Variants in PZP observed in about 807,000 individuals in gnomAD.
PZP encodes the protein PZP alpha-2-macroglobulin like, also known as pregnancy zone protein.
PZP carries 150 observed loss-of-function variants against 179.8 expected under a neutral mutation model. The ratio of observed to expected loss-of-function variants is 0.83; its 90% CI spans 0.73 to 0.96. PZP has a LOEUF of 0.96. Ranked by LOEUF, PZP falls within the 40% of genes least tolerant of loss-of-function variation. The probability of loss-of-function intolerance (pLI) is 0.00; values close to 1 mark genes in which losing one functional copy is unlikely to be tolerated. For synonymous variants in PZP, 624 were observed against 652.3 expected, an observed-to-expected ratio of 0.96 and a Z score of 0.66; for missense variants, 1,689 against 1,764.0, an observed-to-expected ratio of 0.96 and a Z score of 0.76.
chr12:9,181,618 A>G (rs1179054011), intron 14 of PZP, among the ~76,000 whole-genome samples: 1 of 152,234 alleles, frequency 6.6e-6, no homozygotes, highest in Non-Finnish European at 1.5e-5. Flanking sequence ...ATACCTTGTT[A>G]GATTTTTAGA....
rs201603445 is a variant in PZP at position 9,169,177 on chromosome 12, C to CAA, written c.2002-205_2002-204dup. Among the ~76,000 whole-genome samples the CAA allele has an allele frequency of 1.2e-4, 11 of 94,034 alleles. No homozygotes were observed. In the South Asian group the frequency reaches 2.0e-3, roughly 18 times the overall value. 61.7% of individuals were successfully genotyped at this position (94,034 alleles called of 152,430 possible). On this transcript the variant is annotated intron_variant, in intron 16 of 35. Transcript: ENST00000261336. ...TCTTTATTCATTATTTTTTGGTTTGCAAATAAAAAAACCTAAATATAACTA... is the reference window on the plus strand; with the variant it reads ...TCTTTATTCATTATTTTTTGGTTTGCAAAAATAAAAAAACCTAAATATAACTA...
In PZP at chr12:9,203,894, A is replaced by C. The variant is rs977080286; in HGVS notation, c.141T>G (p.Cys47Trp). The change falls in exon 2 of 36, where the codon TGT becomes TGG. Residue 47 changes from cysteine to tryptophan, a missense_variant. By Grantham distance (215) the Cys-to-Trp change is radical. Around this residue, in one of 3 missense-constraint regions of PZP, gnomAD observed 742 missense variants for 730.5 expected, o/e 1.02. Transcript: ENST00000261336. ...TCTCATTCAGGTGGCTCAGAAGGAC[A>C]CAGCCCTTCTTAGGGGCCTCAGTGT... ...LLHTEAPKKG[C>W]VLLSHLNETV... is the part of the protein sequence containing the mutation. 1 of 1,614,010 alleles carries C rather than the reference A, an allele frequency of 6.2e-7. No homozygotes were observed. The highest frequency in any genetic ancestry group is 1.7e-5 in the Admixed American group (1 of 60,006).
At chr12:9,192,770 C>G (rs1217566242) in intron 11 of PZP, 31 bp from the exon 12 acceptor site, 1 of 1,473,716 alleles carries the variant, frequency 6.8e-7, no homozygotes, top group East Asian at 2.3e-5. Flanking sequence ...AGAAAGAATA[C>G]TGTCTTGAAA....
intron 1 of PZP, among the ~76,000 whole-genome samples, chr12:9,205,871 A>G (rs889455633): frequency 6.6e-6 from 1 of 152,174 alleles, no homozygotes; most frequent in Admixed American, 6.5e-5. Flanking sequence ...TGGAATGTGG[A>G]ACTCAAATTT....
intron 13 of PZP, among the ~76,000 whole-genome samples, chr12:9,188,175 C>T (rs776133473): frequency 1.4e-4 from 21 of 152,164 alleles, no homozygotes; most frequent in Non-Finnish European, 2.8e-4. Context: ...GCTTAGCTAC[C>T]GCGATCAAGT....
intron 13 of PZP, among the ~76,000 whole-genome samples, chr12:9,189,896 C>T (rs1396437879): frequency 1.3e-5 from 2 of 152,076 alleles, no homozygotes; most frequent in African/African-American, 4.8e-5. Flanking sequence ...AAAAAAAGCT[C>T]AATACTACTG....
At chr12:9,157,450 T>C (rs1940845967) in intron 27 of PZP, 95 bp from the exon 28 acceptor site, 1 of 1,213,164 alleles carries the variant, frequency 8.2e-7, no homozygotes, top group Non-Finnish European at 1.2e-6. Context: ...TATTAATAGA[T>C]TTCAGACAGA....
chr12:9,199,417 TC>T (rs1370691440), intron 7 of PZP, among the ~76,000 whole-genome samples: 3 of 152,330 alleles, frequency 2.0e-5, no homozygotes, highest in African/African-American at 7.2e-5. Context: ...AGTGGAAATT[TC>T]TGGGGGAGAG....
the PZP span, among the ~76,000 whole-genome samples, chr12:9,139,750 C>T: frequency 3.9e-5 from 6 of 152,116 alleles, no homozygotes; most frequent in African/African-American, 1.4e-4. Context: ...AGCCACTCCT[C>T]CTGTAAGAGT....
intron 28 of PZP, among the ~76,000 whole-genome samples, chr12:9,156,533 AG>A (rs1940767890): frequency 6.6e-6 from 1 of 152,242 alleles, no homozygotes; most frequent in African/African-American, 2.4e-5. Context: ...GTGGGAATTT[AG>A]GGGGTATGGA....
rs139845819 is a variant in PZP, at chr12:9,206,976, A to G, written c.83+1283T>C. On this transcript the variant is annotated intron_variant, in intron 1 of 35. Transcript: ENST00000261336. ...TGCTTTCTGGATGGAGAGCAGCTGG[A>G]AGTAGTAGAGCCCACTGCTGTAGAT... is the stretch of plus-strand genomic sequence containing the variant. Among the ~76,000 whole-genome samples the G allele has an allele frequency of 2.2e-3, 334 of 152,254 alleles. 2 individuals are homozygous for G. The highest frequency in any genetic ancestry group is 7.7e-3 in the African/African-American group (320 of 41,542).
At chr12:9,176,952 G>C (rs7968120) in intron 15 of PZP, among the ~76,000 whole-genome samples, 90,326 of 152,004 alleles carry the variant, frequency 0.59, 27,776 homozygotes, top group East Asian at 0.83. Flanking sequence ...TTTAGCCTTT[G>C]AGCTGTTCCT....
In PZP at chr12:9,190,219, T is replaced by A. The variant is rs1176279892; in HGVS notation, c.1546+1974A>T. On this transcript the variant is annotated intron_variant, in intron 13 of 35. Coordinates refer to ENST00000261336, the MANE Select transcript of PZP (RefSeq NM_002864.3). ...TATGTTCATTGCAACCCTGTTGCAA[T>A]GAACAGTAGCAAAGACATGGAATCA... Among the ~76,000 whole-genome samples the A allele has an allele frequency of 2.0e-5, 3 of 152,106 alleles. No individual in the cohort carries two copies. The East Asian group carries it at 5.8e-4, about 29-fold the overall frequency.
intron 20 of PZP, 83 bp from the exon 21 acceptor site, chr12:9,163,872 G>T: frequency 6.9e-7 from 1 of 1,458,368 alleles, no homozygotes; most frequent in Non-Finnish European, 9.2e-7. Context: ...ACTTATAGTT[G>T]TCCAGAATAG....
At chr12:9,204,188 A>G (rs1944333847) in intron 1 of PZP, among the ~76,000 whole-genome samples, 1 of 152,180 alleles carries the variant, frequency 6.6e-6, no homozygotes, top group Non-Finnish European at 1.5e-5. Flanking sequence ...TTGCTTTCCA[A>G]GATGTTACAA....
At chr12:9,181,448 C>A (rs1942754212) in intron 14 of PZP, among the ~76,000 whole-genome samples, 1 of 152,196 alleles carries the variant, frequency 6.6e-6, no homozygotes, top group African/African-American at 2.4e-5. Flanking sequence ...AAAAGTGATT[C>A]TATTTAGACA....
intron 15 of PZP, among the ~76,000 whole-genome samples, chr12:9,173,583 A>C (rs1232635629): frequency 6.6e-6 from 1 of 152,154 alleles, no homozygotes; most frequent in Non-Finnish European, 1.5e-5. Context: ...ACTGCTAGCT[A>C]GACTAATAAA....
chr12:9,183,775 G>A (rs1328849867), intron 13 of PZP, among the ~76,000 whole-genome samples: 5 of 152,144 alleles, frequency 3.3e-5, no homozygotes, highest in Admixed American at 6.5e-5. Context: ...GTAGAATGTG[G>A]AATTTTTCCA....
At position 9,168,956 on chromosome 12, in the gene PZP, A is replaced by G. The variant is rs2050266538; in HGVS notation, c.2020T>C (p.Phe674Leu). 6.2e-7 allele frequency: 1 copy of G among 1,613,618 alleles called. No individual in the cohort carries two copies. Among genetic ancestry groups the G allele is most frequent in the African/African-American group, 1.3e-5 (1 of 75,054 alleles). The change falls in exon 17 of 36, where the codon TTC (phenylalanine) becomes CTC (leucine). Residue 674 changes from phenylalanine (F) to leucine (L), a missense_variant. This residue lies in a region of PZP where 201 missense variants were observed against 284.2 expected (regional missense o/e 0.71). Coordinates refer to ENST00000261336, the MANE Select transcript of PZP (RefSeq NM_002864.3). The part of the protein sequence containing the change: ...SFLKGMGLKV[F>L]TNSKIRKPKS... ...GGTTTTCGGATTTTTGAGTTAGTGA[A>G]CACCTTCAATCCCATCCCCTGGAAA...
Sources: gnomAD v4.1 joint callset for allele counts (sites outside exome capture counted in the v4.1 genomes callset) on GRCh38, gnomAD v4.1.1 for gene constraint, gnomAD v4.1.1 regional missense constraint, MANE v1.5 for transcripts, NCBI Gene and HGNC (gene_info 2026-07-23, HGNC 2026-07-21) for gene names.